GRAMD4: variants seen among roughly 807,000 people sequenced by gnomAD.
The protein encoded by GRAMD4 is GRAM domain containing 4, also known as GRAM domain-containing protein 4.
Under a neutral mutation model 83.9 loss-of-function variants are expected in GRAMD4, and 25 were observed. That is an observed-to-expected ratio of 0.30 (90% confidence interval 0.22 to 0.42). The LOEUF (loss-of-function observed/expected upper bound fraction) is 0.42, where lower values mean the gene tolerates loss of function less well. Ranked by LOEUF, GRAMD4 falls within the 10% of genes least tolerant of loss-of-function variation. The pLI, the probability that GRAMD4 is intolerant of heterozygous loss-of-function variation, is 1.00. For missense variants in GRAMD4, 593 were observed against 788.7 expected, an observed-to-expected ratio of 0.75 and a Z score of 2.97; for synonymous variants, 336 against 320.9, an observed-to-expected ratio of 1.05 and a Z score of -0.50.
At chr22:46,613,516 T>G (rs561249627) in intron 1 of GRAMD4, among the ~76,000 whole-genome samples, 1 of 152,344 alleles carries the variant, frequency 6.6e-6, no homozygotes, top group Non-Finnish European at 1.5e-5. Context: ...CTGTGGTATG[T>G]GGTGGTTTTG....
rs1352858862 is a variant in GRAMD4 at position 46,672,746 on chromosome 22, C to T, written c.1085-97C>T. Reference sequence around the variant, plus strand: ...ACATCCAGGCTCAGGGTGGAGGGTGCCAATCTGGGAGGTGGGAGGTGCCGG... The same window carrying T: ...ACATCCAGGCTCAGGGTGGAGGGTGTCAATCTGGGAGGTGGGAGGTGCCGG... On this transcript the variant is annotated intron_variant, in intron 13 of 18. Coordinates refer to ENST00000406902, the MANE Select transcript of GRAMD4 (RefSeq NM_015124.5). The surrounding 1 kb of genome is among the most constrained non-coding windows in gnomAD (Gnocchi z 4.7). 9.7e-6 allele frequency: 9 copies of T among 931,602 alleles called. No homozygotes were observed. Among genetic ancestry groups the T allele is most frequent in the African/African-American group, 1.6e-5 (1 of 61,320 alleles). 57.7% of individuals were successfully genotyped at this position (931,602 alleles called of 1,614,324 possible). A position where few individuals can be genotyped will look rare whatever the true frequency, so the allele number is the denominator to read the frequency against.
chr22:46,631,306 C>T (rs931074812), intron 2 of GRAMD4, among the ~76,000 whole-genome samples: 17 of 152,254 alleles, frequency 1.1e-4, no homozygotes, highest in Non-Finnish European at 1.8e-4. Flanking sequence ...AGGCCCAGCA[C>T]GTGTCACACG....
chr22:46,634,921 C>T (rs1259817977), intron 2 of GRAMD4, among the ~76,000 whole-genome samples: 2 of 149,954 alleles, frequency 1.3e-5, no homozygotes, highest in African/African-American at 2.5e-5. Flanking sequence ...CCAGCCTGGG[C>T]GACAGAGTGA....
At position 46,637,891 on chromosome 22, in the gene GRAMD4, A is replaced by G. The variant is rs1236103441; in HGVS notation, c.214A>G (p.Thr72Ala). ...MATGVQDFNRTEFDRLNEIKG... is the reference protein window; with the variant it reads ...MATGVQDFNRAEFDRLNEIKG... Reference sequence around the variant, plus strand: ...CACAGGAGTCCAGGACTTTAACCGGACAGAGTTTGATCGACTGAATGAGAT... The same window carrying G: ...CACAGGAGTCCAGGACTTTAACCGGGCAGAGTTTGATCGACTGAATGAGAT... The change falls in exon 3 of 19, where the codon ACA (threonine) becomes GCA (alanine). Residue 72 changes from threonine to alanine, a missense_variant. Around this residue, in one of 4 missense-constraint regions of GRAMD4, gnomAD observed 312 missense variants for 350.7 expected, o/e 0.89. Coordinates refer to ENST00000406902, the MANE Select transcript of GRAMD4 (RefSeq NM_015124.5). 6 of 1,614,072 alleles carry G rather than the reference A, an allele frequency of 3.7e-6. No homozygotes were observed. Among genetic ancestry groups the G allele is most frequent in the Non-Finnish European group, 5.1e-6 (6 of 1,179,920 alleles).
rs1057355436 is a variant in GRAMD4 at position 46,678,433 on chromosome 22, C to G, written c.*1182C>G. The G allele has an allele frequency of 1.0e-6, 1 of 985,336 alleles. No individual in the cohort carries two copies. The allele number at this position is 985,336 out of a possible 1,614,324, so 61.0% of individuals were successfully genotyped here. ...CCCTGCCCCAGGGAAGCCTGGGCTTCCCGGGAACAAGGTGGCATTTGTGGA... is the reference window on the plus strand; with the variant it reads ...CCCTGCCCCAGGGAAGCCTGGGCTTGCCGGGAACAAGGTGGCATTTGTGGA... On this transcript the variant is annotated 3_prime_UTR_variant, in exon 19 of 19. Transcript: ENST00000406902.
intron 1 of GRAMD4, among the ~76,000 whole-genome samples, chr22:46,591,231 A>G (rs2081204279): frequency 6.6e-6 from 1 of 152,180 alleles, no homozygotes; most frequent in African/African-American, 2.4e-5. Context: ...ACAGAAATTA[A>G]CAGGGCTGGG....
intron 8 of GRAMD4, among the ~76,000 whole-genome samples, chr22:46,665,130 T>G (rs1306075766): frequency 6.6e-6 from 1 of 152,232 alleles, no homozygotes; most frequent in Non-Finnish European, 1.5e-5. Flanking sequence ...GCCCAAGCTT[T>G]GAACCTGCCT....
At chr22:46,680,159 G>A (rs1047562557), downstream of GRAMD4, among the ~76,000 whole-genome samples, 9 of 152,316 alleles carry the variant, frequency 5.9e-5, no homozygotes, top group African/African-American at 2.2e-4. Context: ...GGGCATGCAG[G>A]CTTTGGCCCC....
At position 46,678,394 on chromosome 22, in the gene GRAMD4, C is replaced by A. The variant is rs914203634; in HGVS notation, c.*1143C>A. ...AGCCGGTGCCGGTCCGGGCACAGAC[C>A]CCCCCAGCCCCCGCCCTGCCCCAGG... is the stretch of plus-strand genomic sequence containing the variant. On this transcript the variant is annotated 3_prime_UTR_variant, in exon 19 of 19. Transcript: ENST00000406902. The A allele has an allele frequency of 4.1e-5, 40 of 983,956 alleles. No homozygotes were observed. The Middle Eastern group carries it at 2.6e-3, about 63-fold the overall frequency. The allele number at this position is 983,956 out of a possible 1,614,324, so 61.0% of individuals were successfully genotyped here.
intron 1 of GRAMD4, among the ~76,000 whole-genome samples, chr22:46,612,411 T>C (rs138507): frequency 0.87 from 132,599 of 152,234 alleles, 57,874 homozygotes; most frequent in East Asian, 1. Flanking sequence ...GAGGAAGGCC[T>C]TCTCTCCTTG....
At chr22:46,658,366 C>T (rs2082276345) in intron 4 of GRAMD4, 59 bp downstream of exon 4, 1 of 1,470,186 alleles carries the variant, frequency 6.8e-7, no homozygotes, top group East Asian at 2.5e-5. Context: ...CCCCACCCCA[C>T]CCGCCCCGCC....
At chr22:46,590,415 G>A (rs1844162673) in intron 1 of GRAMD4, among the ~76,000 whole-genome samples, 1 of 152,224 alleles carries the variant, frequency 6.6e-6, no homozygotes, top group African/African-American at 2.4e-5. Context: ...TGCCGGGGAT[G>A]GGTGAGCGCT....
At chr22:46,594,004 C>T (rs1484416647) in intron 1 of GRAMD4, among the ~76,000 whole-genome samples, 4 of 151,822 alleles carry the variant, frequency 2.6e-5, no homozygotes, top group African/African-American at 7.3e-5. Context: ...GGATTATAGG[C>T]GTGAGCCACC....
chr22:46,580,446 G>C (rs919099272), intron 1 of GRAMD4, among the ~76,000 whole-genome samples: 34 of 152,260 alleles, frequency 2.2e-4, no homozygotes, highest in Non-Finnish European at 5.9e-5. Context: ...AAAAGTTCAA[G>C]TCTTCCACCG....
intron 13 of GRAMD4, chr22:46,671,134 A>C (rs2082497231): frequency 2.1e-6 from 1 of 467,678 alleles, no homozygotes; most frequent in Middle Eastern, 3.6e-4. Flanking sequence ...GGCTCTCTTG[A>C]GCTGAGCTGT....
chr22:46,582,846 C>T (rs1179276786), intron 1 of GRAMD4, among the ~76,000 whole-genome samples: 1 of 152,192 alleles, frequency 6.6e-6, no homozygotes, highest in Non-Finnish European at 1.5e-5. Flanking sequence ...ACAATCGAAA[C>T]CCAAACAGGA....
chr22:46,678,553 C>G lies in GRAMD4; in HGVS notation c.*1302C>G, dbSNP rs938452521. The G allele has an allele frequency of 6.1e-6, 6 of 985,300 alleles. No homozygotes were observed. In the African/African-American group the frequency reaches 1.0e-4, roughly 17 times the overall value. 61.0% of individuals were successfully genotyped at this position (985,300 alleles called of 1,614,324 possible). On this transcript the variant is annotated 3_prime_UTR_variant, in exon 19 of 19. Coordinates refer to ENST00000406902, the MANE Select transcript of GRAMD4 (RefSeq NM_015124.5). Reference sequence around the variant, plus strand: ...GCCTCCTGGAAGGAGGTGGCCACCCCGCGGGCCTGCGTGTCTGCTGGGGCG... The same window carrying G: ...GCCTCCTGGAAGGAGGTGGCCACCCGGCGGGCCTGCGTGTCTGCTGGGGCG...
At position 46,627,101 on chromosome 22, in the gene GRAMD4, C is replaced by T. The variant is rs552997193; in HGVS notation, c.162+140C>T. The T allele has an allele frequency of 1.4e-4, 88 of 640,522 alleles. 3 individuals are homozygous for T. In the South Asian group the frequency reaches 1.6e-3, roughly 11 times the overall value. The allele number at this position is 640,522 out of a possible 1,614,324, so 39.7% of individuals were successfully genotyped here. A position where few individuals can be genotyped will look rare whatever the true frequency, so the allele number is the denominator to read the frequency against. ...GACTGGGCCTGACTCTCTGTCTCAC[C>T]TGCTCCCGACCCCTGCAGACCTTGT... On this transcript the variant is annotated intron_variant, in intron 2 of 18. Transcript: ENST00000406902.
At chr22:46,628,925 G>A (rs533990418) in intron 2 of GRAMD4, among the ~76,000 whole-genome samples, 6 of 152,168 alleles carry the variant, frequency 3.9e-5, no homozygotes, top group Admixed American at 3.9e-4. Context: ...GCAGGCCGTG[G>A]TCTGGACCAG....
Sources: allele counts gnomAD v4.1 joint callset (sites outside exome capture counted in the v4.1 genomes callset), GRCh38; gene constraint gnomAD v4.1.1; regional missense constraint gnomAD v4.1.1; non-coding constraint Gnocchi (gnomAD v3.1); transcripts MANE v1.5; gene names NCBI Gene and HGNC (gene_info 2026-07-23, HGNC 2026-07-21).